CMIP: variants seen among roughly 807,000 people sequenced by gnomAD.
CMIP encodes c-Maf inducing protein.
Under a neutral mutation model 97.3 loss-of-function variants are expected in CMIP, and 13 were observed. The observed-to-expected ratio is 0.13, with a 90% CI of 0.09 to 0.21. The LOEUF (loss-of-function observed/expected upper bound fraction) is 0.21, where lower values mean the gene tolerates loss of function less well. Ranked by LOEUF, CMIP falls within the 10% of genes least tolerant of loss-of-function variation. The pLI is 1.00. For missense variants in CMIP, 847 were observed against 1,024.9 expected, an observed-to-expected ratio of 0.83 and a Z score of 2.37; for synonymous variants, 538 against 436.3, an observed-to-expected ratio of 1.23 and a Z score of -2.91.
At chr16:81,696,360 G>A (rs1242116290) in intron 13 of CMIP, 200 bp from the exon 14 acceptor site, 7 of 627,136 alleles carry the variant, frequency 1.1e-5, no homozygotes, top group African/African-American at 1.8e-5. Flanking sequence ...GTCCCCTGGG[G>A]TGTGGGGGCC....
intron 1 of CMIP, among the ~76,000 whole-genome samples, chr16:81,500,081 T>A (rs2089569041): frequency 6.6e-6 from 1 of 152,062 alleles, no homozygotes; most frequent in Non-Finnish European, 1.5e-5. Context: ...CACTCCTTGG[T>A]CTCTGCTCCT....
intron 1 of CMIP, among the ~76,000 whole-genome samples, chr16:81,559,516 AC>A (rs566723003): frequency 2.0e-4 from 31 of 152,334 alleles, no homozygotes; most frequent in Non-Finnish European, 3.5e-4. Context: ...CTGCATAGTG[AC>A]GTGGTCGGTG....
At chr16:81,622,620 AG>A (rs2150962732) in intron 3 of CMIP, among the ~76,000 whole-genome samples, 1 of 152,266 alleles carries the variant, frequency 6.6e-6, no homozygotes, top group Non-Finnish European at 1.5e-5. Context: ...ATGTACTTGG[AG>A]ACACACTGCC....
intron 1 of CMIP, among the ~76,000 whole-genome samples, chr16:81,502,899 G>A (rs2089638876): frequency 6.6e-6 from 1 of 152,202 alleles, no homozygotes. Context: ...AGCCACTGCT[G>A]TCCCTGCAAT....
chr16:81,706,867 T>C, intron 19 of CMIP, 147 bp from the exon 20 acceptor site: 1 of 684,642 alleles, frequency 1.5e-6, no homozygotes, highest in Non-Finnish European at 2.6e-6. Flanking sequence ...CCACCTACCC[T>C]GGCTGTGTCT....
intron 13 of CMIP, among the ~76,000 whole-genome samples, chr16:81,694,773 C>T (rs574582691): frequency 6.6e-6 from 1 of 152,308 alleles, no homozygotes; most frequent in South Asian, 2.1e-4. Flanking sequence ...CCAGGCCACA[C>T]TGAAAAACCG....
intron 1 of CMIP, among the ~76,000 whole-genome samples, chr16:81,526,253 A>C (rs147987922): frequency 6.6e-6 from 1 of 152,334 alleles, no homozygotes; most frequent in Non-Finnish European, 1.5e-5. Flanking sequence ...CTTGGATAGA[A>C]TTCAAGTGAT....
At chr16:81,554,847 G>A (rs897656811) in intron 1 of CMIP, among the ~76,000 whole-genome samples, 1 of 152,180 alleles carries the variant, frequency 6.6e-6, no homozygotes, top group Non-Finnish European at 1.5e-5. Flanking sequence ...GAACTAACAG[G>A]CCCTGAAGAG....
chr16:81,518,444 A>C (rs535922309), intron 1 of CMIP: 1 of 152,324 alleles, frequency 6.6e-6, no homozygotes, highest in African/African-American at 2.4e-5. Context: ...GAGGCTGTCT[A>C]CTGAAGTCCC....
chr16:81,595,949 A>T (rs1274600294), intron 1 of CMIP, among the ~76,000 whole-genome samples: 1 of 152,192 alleles, frequency 6.6e-6, no homozygotes, highest in Non-Finnish European at 1.5e-5. Context: ...GAACTACCAA[A>T]CTATTTTACA....
At chr16:81,466,626 T>C (rs1907223499) in intron 1 of CMIP, among the ~76,000 whole-genome samples, 1 of 152,222 alleles carries the variant, frequency 6.6e-6, no homozygotes, top group Non-Finnish European at 1.5e-5. Context: ...CGGGCCATGA[T>C]TGCATAATGA....
intron 1 of CMIP, among the ~76,000 whole-genome samples, chr16:81,481,265 G>A (rs1308771337): frequency 6.6e-6 from 1 of 152,174 alleles, no homozygotes; most frequent in African/African-American, 2.4e-5. Context: ...ACGGATTGTT[G>A]TGTCACCCTC....
At chr16:81,455,034 G>A (rs965086093) in intron 1 of CMIP, among the ~76,000 whole-genome samples, 12 of 152,230 alleles carry the variant, frequency 7.9e-5, no homozygotes. Context: ...AAAGATAGAG[G>A]TGGGTTTGCC....
At chr16:81,557,216 C>T (rs1450915597) in intron 1 of CMIP, among the ~76,000 whole-genome samples, 8 of 152,186 alleles carry the variant, frequency 5.3e-5, no homozygotes, top group African/African-American at 1.7e-4. Context: ...TGAGAAGCCA[C>T]CTCCCCCACG....
rs189856231 is a variant in CMIP at position 81,634,737 on chromosome 16, A to T, written c.477+13811A>T. 3.3e-3 allele frequency among the ~76,000 whole-genome samples: 497 copies of T among 152,368 alleles called. 2 individuals carry two copies. The highest frequency in any genetic ancestry group is 0.012 in the African/African-American group (483 of 41,582). On this transcript the variant is annotated intron_variant, in intron 3 of 20. Coordinates refer to ENST00000537098, the MANE Select transcript of CMIP (RefSeq NM_198390.3). ...TTATTAAAGAACAGGATCCTTCTCC[A>T]GGATTCTCATAAGTTAAAGCCCTTT...
chr16:81,631,321 G>C (rs1046765536), intron 3 of CMIP: 1 of 152,272 alleles, frequency 6.6e-6, no homozygotes, highest in Non-Finnish European at 1.5e-5. Flanking sequence ...TTGAACCCAG[G>C]GGACAGGAGG....
intron 1 of CMIP, among the ~76,000 whole-genome samples, chr16:81,507,935 G>A (rs754542811): frequency 2.6e-5 from 4 of 152,130 alleles, no homozygotes; most frequent in African/African-American, 4.8e-5. Flanking sequence ...GGACTGATCC[G>A]GTGATTTTTG....
rs966532529 is a variant in CMIP, at chr16:81,444,983, G to A, written c.-259G>A. 1.1e-4 allele frequency among the ~76,000 whole-genome samples: 16 copies of A among 141,472 alleles called. No individual in the cohort carries two copies. The East Asian group carries it at 3.2e-3, about 28-fold the overall frequency. 92.8% of individuals were successfully genotyped at this position (141,472 alleles called of 152,430 possible). A position where few individuals can be genotyped will look rare whatever the true frequency, so the allele number is the denominator to read the frequency against. ...CCCTCCCCGTCGCCCGCCGAGCCCG[G>A]TCAGCCGCCGCGAGCATGCACCCGA... On this transcript the variant is annotated 5_prime_UTR_variant, in exon 1 of 21. Transcript: ENST00000537098.
chr16:81,520,579 A>T (rs1042836637), intron 1 of CMIP: 1 of 149,826 alleles, frequency 6.7e-6, no homozygotes, highest in Non-Finnish European at 1.5e-5. Flanking sequence ...GGAGAGAGAG[A>T]GAGAGAGAGA....
Sources: allele counts gnomAD v4.1 joint callset (sites outside exome capture counted in the v4.1 genomes callset), GRCh38; gene constraint gnomAD v4.1.1; transcripts MANE v1.5; gene names NCBI Gene and HGNC (gene_info 2026-07-23, HGNC 2026-07-21).